Variants in PARD3B observed in about 807,000 individuals in gnomAD.
PARD3B encodes the protein partitioning defective 3 homolog B.
Under a neutral mutation model 130.2 loss-of-function variants are expected in PARD3B, and 103 were observed. The observed-to-expected ratio is 0.79, with a 90% CI of 0.67 to 0.93. The LOEUF (loss-of-function observed/expected upper bound fraction) is 0.93. Among genes scored for constraint, PARD3B ranks in the 40% least tolerant of loss-of-function variants. PARD3B has a pLI of 0.00. For synonymous variants in PARD3B, 583 were observed against 553.2 expected, an observed-to-expected ratio of 1.05 and a Z score of -0.76; for missense variants, 1,609 against 1,499.2, an observed-to-expected ratio of 1.07 and a Z score of -1.21.
chr2:204,573,578 A>G (rs1003092671), intron 1 of PARD3B, among the ~76,000 whole-genome samples: 2 of 152,136 alleles, frequency 1.3e-5, no homozygotes, highest in Non-Finnish European at 2.9e-5. Flanking sequence ...TGCCCAGCTA[A>G]TACAGGTTTT....
intron 18 of PARD3B, among the ~76,000 whole-genome samples, chr2:205,329,467 T>G (rs1231492639): frequency 2.6e-5 from 4 of 152,156 alleles, no homozygotes; most frequent in Non-Finnish European, 5.9e-5. Flanking sequence ...GACTTTCAAA[T>G]AAGATAAAAT....
chr2:205,493,303 A>G (rs867120404), intron 20 of PARD3B, among the ~76,000 whole-genome samples: 2 of 152,160 alleles, frequency 1.3e-5, no homozygotes, highest in African/African-American at 4.8e-5. Flanking sequence ...AGCTTCTTAC[A>G]TGCCAAAAGA....
At chr2:205,234,323 A>T (rs1483544659) in intron 15 of PARD3B, among the ~76,000 whole-genome samples, 1 of 152,202 alleles carries the variant, frequency 6.6e-6, no homozygotes, top group Non-Finnish European at 1.5e-5. Context: ...CACTTTAGAG[A>T]CACAAGTAAC....
At chr2:204,792,164 G>A (rs2042224761) in intron 2 of PARD3B, among the ~76,000 whole-genome samples, 1 of 152,082 alleles carries the variant, frequency 6.6e-6, no homozygotes. Context: ...TACCAATTTG[G>A]TAAATAGAAA....
rs2053712468 is a variant in PARD3B at position 205,575,201 on chromosome 2, T to C, written c.3260+21798T>C. The stretch of plus-strand genomic sequence containing the variant: ...ATATATCATATATATACAATATAGA[T>C]AGATACACATACACACTGTTTTTAG... On this transcript the variant is annotated intron_variant, in intron 22 of 22. Coordinates refer to ENST00000406610, the MANE Select transcript of PARD3B (RefSeq NM_001302769.2). The surrounding 1 kb of genome is among the most constrained non-coding windows in gnomAD (Gnocchi z 4.6). Among the ~76,000 whole-genome samples the C allele has an allele frequency of 6.6e-6, 1 of 151,998 alleles. No homozygotes were observed. Among genetic ancestry groups the C allele is most frequent in the Non-Finnish European group, 1.5e-5 (1 of 68,008 alleles).
Position 205,458,938 on chromosome 2 carries a change from G to A in PARD3B, c.3044+18266G>A, listed in dbSNP as rs1445192249. 6.6e-6 allele frequency among the ~76,000 whole-genome samples: 1 copy of A among 152,162 alleles called. No individual in the cohort carries two copies. The highest frequency in any genetic ancestry group is 1.5e-5 in the Non-Finnish European group (1 of 68,010). ...GGATTTTAGTTATGTGAGGGGTAGT[G>A]TATTAGTTTACTCTTACTCCTAGAG... On this transcript the variant is annotated intron_variant, in intron 20 of 22. Transcript: ENST00000406610. The surrounding 1 kb of genome is among the most constrained non-coding windows in gnomAD (Gnocchi z 4.8).
rs970967154 is a variant in PARD3B, at chr2:205,052,436, T to C, written c.504+4746T>C. Among the ~76,000 whole-genome samples the C allele has an allele frequency of 3.0e-3, 95 of 31,584 alleles. 1 individual carries two copies. Among genetic ancestry groups the C allele is most frequent in the Admixed American group, 0.014 (36 of 2,642 alleles). 20.7% of individuals were successfully genotyped at this position (31,584 alleles called of 152,430 possible). ...ATATATATGTATATATATATATATA[T>C]ATATATATATATATAAAATTAAAAA... On this transcript the variant is annotated intron_variant, in intron 4 of 22. Transcript: ENST00000406610.
At chr2:204,956,520 G>GTA (rs1690253085) in intron 2 of PARD3B, among the ~76,000 whole-genome samples, 1 of 150,932 alleles carries the variant, frequency 6.6e-6, no homozygotes, top group African/African-American at 2.4e-5. Flanking sequence ...AACTACTTGT[G>GTA]TGTGTGTGTG....
intron 1 of PARD3B, among the ~76,000 whole-genome samples, chr2:204,552,901 G>A (rs1005181200): frequency 6.6e-6 from 1 of 152,090 alleles, no homozygotes; most frequent in South Asian, 2.1e-4. Context: ...GGTGACTATG[G>A]TCTTATAGTA....
intron 16 of PARD3B, among the ~76,000 whole-genome samples, chr2:205,279,681 G>A (rs1325800635): frequency 6.6e-6 from 1 of 152,154 alleles, no homozygotes; most frequent in Non-Finnish European, 1.5e-5. Flanking sequence ...GTCATGGCAT[G>A]CAGGAGTCTC....
chr2:205,040,034 G>A (rs1698283682), intron 3 of PARD3B, among the ~76,000 whole-genome samples: 1 of 152,146 alleles, frequency 6.6e-6, no homozygotes, highest in African/African-American at 2.4e-5. Flanking sequence ...CACAATCTCG[G>A]CTCCCTGCAA....
At chr2:205,153,567 A>T (rs561955948) in intron 10 of PARD3B, among the ~76,000 whole-genome samples, 3 of 152,330 alleles carry the variant, frequency 2.0e-5, no homozygotes, top group African/African-American at 4.8e-5. Flanking sequence ...TATGGAACCA[A>T]AAAAGAGCCC....
At chr2:205,547,329 C>CCAAT (rs1489482754) in intron 21 of PARD3B, among the ~76,000 whole-genome samples, 3 of 152,184 alleles carry the variant, frequency 2.0e-5, no homozygotes, top group Non-Finnish European at 2.9e-5. Context: ...CAATAAACCA[C>CCAAT]CAATCACCAT....
intron 22 of PARD3B, among the ~76,000 whole-genome samples, chr2:205,604,946 T>G (rs1324203425): frequency 6.6e-6 from 1 of 152,244 alleles, no homozygotes; most frequent in African/African-American, 2.4e-5. Flanking sequence ...CCTGTCTTAT[T>G]TCAGCAAGAT....
intron 1 of PARD3B, among the ~76,000 whole-genome samples, chr2:204,587,488 G>C (rs1174029920): frequency 1.3e-5 from 2 of 152,114 alleles, no homozygotes; most frequent in Non-Finnish European, 2.9e-5. Flanking sequence ...GAAATATGAA[G>C]ATATTTGCAT....
In PARD3B at chr2:204,673,460, C is replaced by A. The variant is rs2036400019; in HGVS notation, c.121-12721C>A. 6.6e-6 allele frequency among the ~76,000 whole-genome samples: 1 copy of A among 152,178 alleles called. No individual in the cohort carries two copies. The highest frequency in any genetic ancestry group is 2.4e-5 in the African/African-American group (1 of 41,458). On this transcript the variant is annotated intron_variant, in intron 1 of 22. Coordinates refer to ENST00000406610, the MANE Select transcript of PARD3B (RefSeq NM_001302769.2). The surrounding 1 kb of genome is among the most constrained non-coding windows in gnomAD (Gnocchi z 4.7). ...TGCATCTCCACCAAGTTTATTCAAC[C>A]TGACAAGCGAACTAGTTTTCCCACT...
At chr2:205,559,160 G>A (rs1285114142) in intron 22 of PARD3B, among the ~76,000 whole-genome samples, 1 of 152,134 alleles carries the variant, frequency 6.6e-6, no homozygotes, top group Middle Eastern at 3.2e-3. Context: ...CCCAAGTGTT[G>A]CTGGATGGTC....
intron 18 of PARD3B, among the ~76,000 whole-genome samples, chr2:205,375,657 T>TGA (rs921160622): frequency 5.9e-5 from 9 of 151,594 alleles, no homozygotes; most frequent in African/African-American, 2.2e-4. Flanking sequence ...AGGATGGAAT[T>TGA]GAGAGAGAGA....
chr2:205,364,817 C>T (rs13028215), intron 18 of PARD3B, among the ~76,000 whole-genome samples: 1 of 151,938 alleles, frequency 6.6e-6, no homozygotes, highest in African/African-American at 2.4e-5. Flanking sequence ...ACAATACCTA[C>T]TCACATGTAA....
Sources: gnomAD v4.1 joint callset for allele counts (sites outside exome capture counted in the v4.1 genomes callset) on GRCh38, gnomAD v4.1.1 for gene constraint, Gnocchi (gnomAD v3.1) non-coding constraint, MANE v1.5 for transcripts, NCBI Gene and HGNC (gene_info 2026-07-23, HGNC 2026-07-21) for gene names.